CABIN1: variants seen among roughly 807,000 people sequenced by gnomAD.
The protein encoded by CABIN1 is calcineurin binding protein 1, also known as calcineurin-binding protein cabin-1.
In CABIN1, 133 loss-of-function variants were observed where a neutral mutation model predicts 227.7. That is an observed-to-expected ratio of 0.58 (90% CI 0.51 to 0.67). The LOEUF is 0.67. CABIN1 is among the 30% of genes least tolerant of loss of function. The pLI is 0.00. For missense variants in CABIN1, 2,408 were observed against 2,852.5 expected, an observed-to-expected ratio of 0.84 and a Z score of 3.55; for synonymous variants, 1,086 against 1,155.1, an observed-to-expected ratio of 0.94 and a Z score of 1.21.
At chr22:24,064,591 A>G (rs2039465441) in intron 15 of CABIN1, among the ~76,000 whole-genome samples, 1 of 146,552 alleles carries the variant, frequency 6.8e-6, no homozygotes, top group African/African-American at 2.6e-5. Context: ...TCATAGGACA[A>G]TAGTGGAGGG....
At chr22:24,143,430 A>G (rs1275887612) in intron 29 of CABIN1, among the ~76,000 whole-genome samples, 1 of 152,110 alleles carries the variant, frequency 6.6e-6, no homozygotes, top group Admixed American at 6.5e-5. Context: ...GCGGGACTAC[A>G]CTGTCTGCTA....
chr22:24,016,799 G>A (rs1045510130), intron 1 of CABIN1, among the ~76,000 whole-genome samples: 16 of 152,206 alleles, frequency 1.1e-4, no homozygotes, highest in Non-Finnish European at 2.1e-4. Context: ...CTCGCCAACA[G>A]TGTGTGCTGT....
Position 24,167,138 on chromosome 22 carries a change from C to G in CABIN1, c.5507C>G (p.Pro1836Arg), listed in dbSNP as rs780617463. 6.3e-7 allele frequency: 1 copy of G among 1,591,968 alleles called. No individual in the cohort carries two copies. Among genetic ancestry groups the G allele is most frequent in the South Asian group, 1.1e-5 (1 of 87,638 alleles). Residue 1836 changes from proline to arginine, a missense_variant, in exon 32 of 37, where the codon CCG (proline) becomes CGG (arginine). Pro to Arg is a moderately radical substitution (Grantham distance 103). Around this residue, in one of 3 missense-constraint regions of CABIN1, gnomAD observed 714 missense variants for 773.8 expected, o/e 0.92. Coordinates refer to ENST00000263119, the MANE Select transcript of CABIN1 (RefSeq NM_012295.4). The stretch of plus-strand genomic sequence containing the variant: ...ACAGGGACCAGGGCAGGGGGCCACC[C>G]GGAGGAGCCGCTCTCCCGGCTCAGC... ...TTTGTRAGGH[P>R]EEPLSRLSRK... is the part of the protein sequence containing the mutation.
At chr22:24,041,026 C>G (rs1399808316) in intron 4 of CABIN1, 113 bp from the exon 5 acceptor site, 7 of 1,283,346 alleles carry the variant, frequency 5.5e-6, no homozygotes, top group Non-Finnish European at 7.9e-6. Context: ...GTGGACAACA[C>G]TAGACTGGCT....
In CABIN1 at chr22:24,070,861, A is replaced by G; in HGVS notation, c.2294A>G (p.Asn765Ser). Residue 765 changes from asparagine to serine, a missense_variant, in exon 17 of 37, where the codon AAC (asparagine) becomes AGC (serine). Transcript: ENST00000263119. ...TTTGAGTGTTCCGATGTGGCTCTGA[A>G]CGAGGCTGTCCAGCAGATGGTGAAC... ...QCFECSDVAL[N>S]EAVQQMVNSG... 1 of 1,614,226 alleles carries G rather than the reference A, an allele frequency of 6.2e-7. No individual in the cohort carries two copies. Among genetic ancestry groups the G allele is most frequent in the Non-Finnish European group, 8.5e-7 (1 of 1,180,042 alleles).
chr22:24,052,367 T>C (rs1022473416), intron 8 of CABIN1, among the ~76,000 whole-genome samples: 3 of 152,120 alleles, frequency 2.0e-5, no homozygotes, highest in Admixed American at 2.0e-4. Context: ...CTCCATCTAT[T>C]CCGGGGGTCA....
At chr22:24,021,004 A>C (rs959212966) in intron 1 of CABIN1, among the ~76,000 whole-genome samples, 4 of 151,732 alleles carry the variant, frequency 2.6e-5, no homozygotes, top group African/African-American at 9.7e-5. Flanking sequence ...TCTTTAAAAA[A>C]ATTTTTTTTT....
intron 1 of CABIN1, among the ~76,000 whole-genome samples, chr22:24,033,642 C>A (rs924517263): frequency 2.6e-5 from 4 of 152,338 alleles, no homozygotes; most frequent in Middle Eastern, 3.4e-3. Context: ...ATCCCAGTTC[C>A]TCGGGCCAGC....
At chr22:24,128,557 C>G (rs1392286436) in intron 28 of CABIN1, among the ~76,000 whole-genome samples, 1 of 152,172 alleles carries the variant, frequency 6.6e-6, no homozygotes, top group Non-Finnish European at 1.5e-5. Flanking sequence ...TCCTCTTCCT[C>G]TGGCCTATAG....
chr22:24,082,242 A>G (rs1451593442), intron 19 of CABIN1, among the ~76,000 whole-genome samples: 1 of 151,910 alleles, frequency 6.6e-6, no homozygotes, highest in Admixed American at 6.6e-5. Flanking sequence ...GGTGTGCACC[A>G]TCATGCCTGG....
At chr22:24,149,335 A>T (rs918927479) in intron 29 of CABIN1, among the ~76,000 whole-genome samples, 1 of 152,116 alleles carries the variant, frequency 6.6e-6, no homozygotes, top group African/African-American at 2.4e-5. Context: ...CACCTCTTAG[A>T]GTTATGGGGA....
chr22:24,148,777 C>G (rs994324914), intron 29 of CABIN1, among the ~76,000 whole-genome samples: 1 of 152,236 alleles, frequency 6.6e-6, no homozygotes, highest in African/African-American at 2.4e-5. Context: ...AGGCCCCACC[C>G]GCTCAGGCTG....
intron 1 of CABIN1, among the ~76,000 whole-genome samples, chr22:24,019,117 G>GT (rs1316351102): frequency 3.8e-4 from 37 of 97,956 alleles, no homozygotes; most frequent in African/African-American, 1.3e-3. Context: ...TTCACTGAGT[G>GT]TTGTTTTTTT....
At chr22:24,061,022 A>T (rs1440309901) in intron 12 of CABIN1, among the ~76,000 whole-genome samples, 2 of 152,178 alleles carry the variant, frequency 1.3e-5, no homozygotes, top group Non-Finnish European at 2.9e-5. Flanking sequence ...GGCTCAAGTG[A>T]TCCTGATGCC....
At chr22:24,162,512 G>A (rs1483594523) in intron 29 of CABIN1, among the ~76,000 whole-genome samples, 1 of 152,210 alleles carries the variant, frequency 6.6e-6, no homozygotes, top group Non-Finnish European at 1.5e-5. Flanking sequence ...GATGAACAAG[G>A]GCACACTAGC....
intron 28 of CABIN1, among the ~76,000 whole-genome samples, chr22:24,123,435 T>C (rs2043538538): frequency 6.6e-6 from 1 of 152,198 alleles, no homozygotes; most frequent in Non-Finnish European, 1.5e-5. Flanking sequence ...ACTGAGCTCA[T>C]TCTAGACCTT....
chr22:24,019,226 G>C (rs1432097694), intron 1 of CABIN1, among the ~76,000 whole-genome samples: 3 of 140,136 alleles, frequency 2.1e-5, no homozygotes, highest in Non-Finnish European at 4.5e-5. Context: ...CGCCTCCTGA[G>C]TTTAAGTGAT....
intron 31 of CABIN1, among the ~76,000 whole-genome samples, chr22:24,166,109 T>C (rs1170668065): frequency 6.6e-6 from 1 of 152,230 alleles, no homozygotes; most frequent in African/African-American, 2.4e-5. Flanking sequence ...CCAAAGCTTA[T>C]GCCTGGTAGG....
At chr22:24,035,244 C>T (rs1026051434) in intron 1 of CABIN1, among the ~76,000 whole-genome samples, 200 bp from the exon 2 acceptor site, 5 of 152,170 alleles carry the variant, frequency 3.3e-5, no homozygotes, top group African/African-American at 9.7e-5. Context: ...GCACCTGATG[C>T]ATTGCCAGGA....
Sources: gnomAD v4.1 joint callset for allele counts (sites outside exome capture counted in the v4.1 genomes callset) on GRCh38, gnomAD v4.1.1 for gene constraint, gnomAD v4.1.1 regional missense constraint, MANE v1.5 for transcripts, NCBI Gene and HGNC (gene_info 2026-07-23, HGNC 2026-07-21) for gene names.